The following SPOCK3 variants were observed in gnomAD, a reference collection of about 807,000 sequenced individuals.
The protein encoded by SPOCK3 is SPARC (osteonectin), cwcv and kazal like domains proteoglycan 3.
In SPOCK3, 30 loss-of-function variants were observed where a neutral mutation model predicts 56.6. The observed-to-expected ratio is 0.53, with a 90% CI of 0.40 to 0.72. The LOEUF is 0.72. Among genes scored for constraint, SPOCK3 ranks in the 30% least tolerant of loss-of-function variants. SPOCK3 has a pLI of 0.00. For missense variants in SPOCK3, 527 were observed against 530.0 expected (o/e 0.99, Z 0.06); for synonymous variants, 196 against 183.3 (o/e 1.07, Z -0.56).
chr4:166,995,703 C>G (rs543352573), intron 4 of SPOCK3, among the ~76,000 whole-genome samples: 2 of 152,076 alleles, frequency 1.3e-5, no homozygotes, highest in African/African-American at 4.8e-5. Flanking sequence ...GCATTAGCAT[C>G]ACTGTAAAAG....
intron 6 of SPOCK3, among the ~76,000 whole-genome samples, chr4:166,799,729 T>C (rs1742340135): frequency 6.6e-6 from 1 of 151,878 alleles, no homozygotes; most frequent in African/African-American, 2.4e-5. Context: ...TCCTGAGAAA[T>C]TGACTAATGG....
chr4:166,931,606 T>G (rs4429751), intron 4 of SPOCK3, among the ~76,000 whole-genome samples: 70,872 of 152,000 alleles, frequency 0.47, 16,804 homozygotes, highest in East Asian at 0.66. Context: ...AATATTTATT[T>G]TAAAAACCGT....
At chr4:167,061,585 C>T (rs900358323) in intron 3 of SPOCK3, among the ~76,000 whole-genome samples, 6 of 151,852 alleles carry the variant, frequency 4.0e-5, no homozygotes, top group Non-Finnish European at 7.4e-5. Context: ...GCAGTCACCC[C>T]AAATATTAAG....
chr4:167,128,420 T>C (rs17052978), intron 2 of SPOCK3, among the ~76,000 whole-genome samples: 5,942 of 152,276 alleles, frequency 0.039, 376 homozygotes, highest in African/African-American at 0.13. Context: ...ACACCACCAT[T>C]TATTACTTTG....
chr4:166,754,450 TA>T (rs1389857295), intron 8 of SPOCK3, 57 bp downstream of exon 8: 2 of 1,559,758 alleles, frequency 1.3e-6, no homozygotes, highest in Non-Finnish European at 1.7e-6. Flanking sequence ...TCTTAAAAAA[TA>T]AGTAAAATTT....
chr4:166,900,333 G>T (rs1735900935), intron 5 of SPOCK3, among the ~76,000 whole-genome samples: 1 of 152,086 alleles, frequency 6.6e-6, no homozygotes, highest in Non-Finnish European at 1.5e-5. Flanking sequence ...ATCTGATATT[G>T]TTGGGCATTG....
At chr4:167,084,406 T>C (rs992147860) in intron 2 of SPOCK3, among the ~76,000 whole-genome samples, 17 of 152,162 alleles carry the variant, frequency 1.1e-4, no homozygotes, top group African/African-American at 4.1e-4. Context: ...TTTATATTTT[T>C]TCTTCTCTGA....
chr4:166,925,927 C>T (rs575518239), intron 4 of SPOCK3, among the ~76,000 whole-genome samples: 1 of 152,242 alleles, frequency 6.6e-6, no homozygotes, highest in South Asian at 2.1e-4. Context: ...GTTTGTTTAA[C>T]AACTCACTTT....
chr4:166,762,756 T>C (rs1262559092), intron 7 of SPOCK3, among the ~76,000 whole-genome samples: 1 of 151,892 alleles, frequency 6.6e-6, no homozygotes, highest in Admixed American at 6.6e-5. Flanking sequence ...TGAAATGAAA[T>C]ATATGCTGGA....
chr4:167,011,322 A>G (rs1290067130), intron 3 of SPOCK3: 7 of 455,772 alleles, frequency 1.5e-5, no homozygotes, highest in Non-Finnish European at 2.6e-5. Context: ...TCATCAGTTG[A>G]TTCAGGGGTT....
intron 2 of SPOCK3, among the ~76,000 whole-genome samples, chr4:167,118,535 A>G (rs1389979819): frequency 6.6e-6 from 1 of 152,168 alleles, no homozygotes; most frequent in Admixed American, 6.5e-5. Flanking sequence ...GGTCTCATTT[A>G]TTTTGACTGT....
chr4:167,043,461 T>C (rs1486949800), intron 3 of SPOCK3, among the ~76,000 whole-genome samples: 1 of 152,058 alleles, frequency 6.6e-6, no homozygotes, highest in African/African-American at 2.4e-5. Context: ...TTCTGTTTCA[T>C]TGCATTAGTT....
At chr4:167,199,795 A>C (rs1733343899) in intron 2 of SPOCK3, among the ~76,000 whole-genome samples, 1 of 150,298 alleles carries the variant, frequency 6.7e-6, no homozygotes, top group African/African-American at 2.4e-5. Flanking sequence ...ATCATAGAAA[A>C]ATTTTTCTGC....
intron 2 of SPOCK3, among the ~76,000 whole-genome samples, chr4:167,207,646 G>T (rs772964618): frequency 6.6e-6 from 1 of 152,028 alleles, no homozygotes; most frequent in Non-Finnish European, 1.5e-5. Flanking sequence ...ATCTTGTGAA[G>T]CATGTTAGAC....
intron 7 of SPOCK3, among the ~76,000 whole-genome samples, chr4:166,773,841 C>A (rs919153796): frequency 2.6e-5 from 4 of 152,262 alleles, no homozygotes; most frequent in Non-Finnish European, 5.9e-5. Flanking sequence ...ATATTGATCA[C>A]ACCATGCACA....
intron 4 of SPOCK3, among the ~76,000 whole-genome samples, chr4:166,985,379 G>A (rs1476051111): frequency 6.6e-6 from 1 of 152,076 alleles, no homozygotes; most frequent in Non-Finnish European, 1.5e-5. Context: ...ATATATGGAG[G>A]TTACAATGGA....
At chr4:167,214,818 T>G (rs1735205123) in intron 2 of SPOCK3, among the ~76,000 whole-genome samples, 1 of 152,036 alleles carries the variant, frequency 6.6e-6, no homozygotes, top group South Asian at 2.1e-4. Context: ...TCTCTAGGTT[T>G]GAAAGCTTAC....
At chr4:167,117,443 G>C (rs747197208) in intron 2 of SPOCK3, among the ~76,000 whole-genome samples, 56 of 152,122 alleles carry the variant, frequency 3.7e-4, no homozygotes, top group Non-Finnish European at 7.8e-4. Flanking sequence ...CTGCCCTAGA[G>C]TGCACAGAGC....
chr4:167,002,254 C>A (rs985526347), intron 3 of SPOCK3, among the ~76,000 whole-genome samples: 1 of 152,058 alleles, frequency 6.6e-6, no homozygotes, highest in Non-Finnish European at 1.5e-5. Flanking sequence ...CCACTGCCCT[C>A]GGCCTGATAA....
Sources: gnomAD v4.1 joint callset for allele counts (sites outside exome capture counted in the v4.1 genomes callset) on GRCh38, gnomAD v4.1.1 for gene constraint, MANE v1.5 for transcripts, NCBI Gene and HGNC (gene_info 2026-07-23, HGNC 2026-07-21) for gene names.